Variants in SGCZ observed in about 807,000 individuals in gnomAD.
SGCZ encodes sarcoglycan zeta.
SGCZ carries 40 observed loss-of-function variants against 41.3 expected under a neutral mutation model. The observed-to-expected ratio is 0.97, with a 90% CI of 0.75 to 1.26. The LOEUF (loss-of-function observed/expected upper bound fraction) is 1.26, where lower values mean the gene tolerates loss of function less well. Ranked by LOEUF, SGCZ falls within the 50% of genes most tolerant of loss-of-function variation. The pLI, the probability that SGCZ is intolerant of heterozygous loss-of-function variation, is 0.00. For missense variants in SGCZ, 552 were observed against 369.8 expected, an observed-to-expected ratio of 1.49 and a Z score of -4.04; for synonymous variants, 206 against 137.5, an observed-to-expected ratio of 1.50 and a Z score of -3.49.
chr8:14,507,429 T>C (rs995153178), intron 2 of SGCZ, among the ~76,000 whole-genome samples: 1 of 143,376 alleles, frequency 7.0e-6, no homozygotes, highest in African/African-American at 2.6e-5. Flanking sequence ...ATTTATTAGA[T>C]ACAATGATCT....
At chr8:14,385,337 G>T (rs975199667) in intron 2 of SGCZ, among the ~76,000 whole-genome samples, 10 of 152,152 alleles carry the variant, frequency 6.6e-5, no homozygotes, top group African/African-American at 2.4e-4. Flanking sequence ...TGAGGAATAT[G>T]CAAGGTGTGT....
rs112715428 is a variant in SGCZ at position 14,720,145 on chromosome 8, T to C, written c.40-165219A>G. ...ATTTTTTTCTTTTCAGACTATCTGATCTTGGCCACAAATACATATCTTCAA... is the reference window on the plus strand; with the variant it reads ...ATTTTTTTCTTTTCAGACTATCTGACCTTGGCCACAAATACATATCTTCAA... On this transcript the variant is annotated intron_variant, in intron 1 of 7. Transcript: ENST00000382080. 2.0e-3 allele frequency among the ~76,000 whole-genome samples: 305 copies of C among 152,128 alleles called. 2 individuals carry two copies. Among genetic ancestry groups the C allele is most frequent in the African/African-American group, 7.1e-3 (295 of 41,538 alleles).
At chr8:14,687,234 TG>T (rs1362909901) in intron 1 of SGCZ, among the ~76,000 whole-genome samples, 18 of 150,578 alleles carry the variant, frequency 1.2e-4, no homozygotes, top group African/African-American at 4.4e-4. Context: ...AGGGTACATG[TG>T]CACAATGTGC....
chr8:14,109,279 A>T (rs1165682207), intron 5 of SGCZ, among the ~76,000 whole-genome samples: 1 of 152,208 alleles, frequency 6.6e-6, no homozygotes, highest in African/African-American at 2.4e-5. Flanking sequence ...CATTTACTGA[A>T]TCCATTTTTT....
At chr8:14,175,342 G>A (rs73217571) in intron 4 of SGCZ, among the ~76,000 whole-genome samples, 13,430 of 152,096 alleles carry the variant, frequency 0.088, 841 homozygotes, top group Non-Finnish European at 0.14. Context: ...AGAGACATGG[G>A]AAGGAATTCT....
chr8:14,500,051 T>C (rs1802104829), intron 2 of SGCZ, among the ~76,000 whole-genome samples: 1 of 152,084 alleles, frequency 6.6e-6, no homozygotes, highest in South Asian at 2.1e-4. Context: ...TTAAAACCTT[T>C]AGAGCACCCA....
intron 1 of SGCZ, among the ~76,000 whole-genome samples, chr8:14,770,872 T>C (rs1398815072): frequency 6.6e-6 from 1 of 152,064 alleles, no homozygotes; most frequent in Non-Finnish European, 1.5e-5. Flanking sequence ...AGGCAAGGCA[T>C]CAAAACAGAA....
At chr8:14,171,640 A>T (rs1204788402) in intron 4 of SGCZ, among the ~76,000 whole-genome samples, 3 of 152,074 alleles carry the variant, frequency 2.0e-5, no homozygotes, top group African/African-American at 7.2e-5. Flanking sequence ...TCGTATACAG[A>T]AACCATTTTA....
At chr8:14,272,308 A>C (rs1020699740) in intron 3 of SGCZ, among the ~76,000 whole-genome samples, 1 of 152,096 alleles carries the variant, frequency 6.6e-6, no homozygotes, top group African/African-American at 2.4e-5. Context: ...CCGACCCTTA[A>C]ATGAAATTTT....
chr8:14,275,143 C>T (rs1001882642), intron 3 of SGCZ, among the ~76,000 whole-genome samples: 2 of 152,094 alleles, frequency 1.3e-5, no homozygotes, highest in South Asian at 2.1e-4. Flanking sequence ...GAGCCGAAAG[C>T]CAGGTCTCTC....
chr8:15,055,641 T>A (rs1413473522), intron 1 of SGCZ, among the ~76,000 whole-genome samples: 1 of 152,206 alleles, frequency 6.6e-6, no homozygotes, highest in African/African-American at 2.4e-5. Flanking sequence ...CCTAGGACCA[T>A]GTGGATATCT....
chr8:14,813,994 C>CA (rs1338313020), intron 1 of SGCZ, among the ~76,000 whole-genome samples: 2 of 152,016 alleles, frequency 1.3e-5, no homozygotes, highest in Non-Finnish European at 2.9e-5. Context: ...CACATACCCA[C>CA]AAGTGCTACA....
Position 14,240,347 on chromosome 8 carries a change from A to T in SGCZ, c.337-2668T>A, listed in dbSNP as rs947927437. Among the ~76,000 whole-genome samples, 4 of 136,134 alleles carry T rather than the reference A, an allele frequency of 2.9e-5. 1 individual carries two copies. Among genetic ancestry groups the T allele is most frequent in the African/African-American group, 5.1e-5 (2 of 39,200 alleles). The allele number at this position is 136,134 out of a possible 152,430, so 89.3% of individuals were successfully genotyped here. On this transcript the variant is annotated intron_variant, in intron 3 of 7. Coordinates refer to ENST00000382080, the MANE Select transcript of SGCZ (RefSeq NM_139167.4). The stretch of plus-strand genomic sequence containing the variant: ...TGTGTCAAAAAAAAAAAAAAAAAAA[A>T]AAAAAAAAGAACTGAAAGTTTAAAA...
At chr8:14,685,512 T>G (rs1384671189) in intron 1 of SGCZ, among the ~76,000 whole-genome samples, 1 of 152,118 alleles carries the variant, frequency 6.6e-6, no homozygotes, top group Non-Finnish European at 1.5e-5. Flanking sequence ...ACAACATACT[T>G]TGGTTAATTC....
At chr8:14,905,450 C>G (rs1331657129) in intron 1 of SGCZ, among the ~76,000 whole-genome samples, 1 of 151,906 alleles carries the variant, frequency 6.6e-6, no homozygotes, top group Non-Finnish European at 1.5e-5. Context: ...GAGAGAGAGA[C>G]TAAGGACACT....
intron 6 of SGCZ, 46 bp downstream of exon 6, chr8:14,108,117 C>A: frequency 6.4e-7 from 1 of 1,553,036 alleles, no homozygotes; most frequent in South Asian, 1.1e-5. Context: ...TAAGGATTAT[C>A]AACAATGATG....
chr8:15,051,558 G>A (rs1014767124), intron 1 of SGCZ, among the ~76,000 whole-genome samples: 1 of 152,032 alleles, frequency 6.6e-6, no homozygotes, highest in African/African-American at 2.4e-5. Flanking sequence ...GCTAGGGTAG[G>A]TGTATGTTAA....
chr8:14,699,769 A>T (rs1809076415), intron 1 of SGCZ, among the ~76,000 whole-genome samples: 1 of 151,922 alleles, frequency 6.6e-6, no homozygotes, highest in Non-Finnish European at 1.5e-5. Flanking sequence ...AATTTCAACA[A>T]GCAAAAAACA....
intron 1 of SGCZ, among the ~76,000 whole-genome samples, chr8:14,993,126 A>C (rs1802080848): frequency 6.6e-6 from 1 of 152,180 alleles, no homozygotes; most frequent in Non-Finnish European, 1.5e-5. Flanking sequence ...AAATATTATA[A>C]AATAGCTCTT....
Sources: gnomAD v4.1 joint callset for allele counts (sites outside exome capture counted in the v4.1 genomes callset) on GRCh38, gnomAD v4.1.1 for gene constraint, MANE v1.5 for transcripts, NCBI Gene and HGNC (gene_info 2026-07-23, HGNC 2026-07-21) for gene names.